Variants in KCNMB2 observed in about 807,000 individuals in gnomAD.
The protein encoded by KCNMB2 is potassium calcium-activated channel subfamily M regulatory beta subunit 2.
KCNMB2 carries 9 observed loss-of-function variants against 24.5 expected under a neutral mutation model. The ratio of observed to expected loss-of-function variants is 0.37; its 90% CI spans 0.22 to 0.64. The LOEUF (loss-of-function observed/expected upper bound fraction) is 0.64. KCNMB2 is among the 30% of genes least tolerant of loss of function. The probability of loss-of-function intolerance (pLI) is 0.63; values close to 1 mark genes in which losing one functional copy is unlikely to be tolerated. For synonymous variants in KCNMB2, 109 were observed against 104.4 expected, an observed-to-expected ratio of 1.04 and a Z score of -0.27; for missense variants, 226 against 284.3, an observed-to-expected ratio of 0.79 and a Z score of 1.47.
At chr3:178,647,625 T>C (rs1431133161) in intron 1 of KCNMB2, among the ~76,000 whole-genome samples, 1 of 152,234 alleles carries the variant, frequency 6.6e-6, no homozygotes. Context: ...ATACATGTTA[T>C]TTACCTATAG....
At chr3:178,794,150 C>A (rs906257493) in intron 1 of KCNMB2, among the ~76,000 whole-genome samples, 11 of 152,154 alleles carry the variant, frequency 7.2e-5, no homozygotes, top group African/African-American at 2.7e-4. Context: ...TTGCAGAACA[C>A]CACCAACAAC....
chr3:178,675,821 TCAGA>T (rs1721053365), intron 1 of KCNMB2, among the ~76,000 whole-genome samples: 1 of 152,178 alleles, frequency 6.6e-6, no homozygotes, highest in Non-Finnish European at 1.5e-5. Flanking sequence ...TGGCCTCCTG[TCAGA>T]CAGAGAGAAA....
intron 1 of KCNMB2, among the ~76,000 whole-genome samples, chr3:178,573,336 A>G (rs1716873309): frequency 6.6e-6 from 1 of 152,152 alleles, no homozygotes; most frequent in African/African-American, 2.4e-5. Context: ...CAACTCCAAA[A>G]GTTTATGAAT....
At chr3:178,782,849 G>C (rs1411664117) in intron 1 of KCNMB2, among the ~76,000 whole-genome samples, 1 of 151,668 alleles carries the variant, frequency 6.6e-6, no homozygotes, top group Non-Finnish European at 1.5e-5. Context: ...TGGTGTTTTA[G>C]ACAGGAAGTC....
intron 1 of KCNMB2, among the ~76,000 whole-genome samples, chr3:178,757,906 CATATATATATCCAAGAGGATAT>C (rs1560006099): frequency 1.4e-5 from 1 of 72,096 alleles, no homozygotes; most frequent in Non-Finnish European, 2.8e-5. Flanking sequence ...CAAGAGGATA[CATATATATATCCAAGAGGATAT>C]ATATATACAC....
chr3:178,759,467 G>T (rs1488498917), intron 1 of KCNMB2, among the ~76,000 whole-genome samples: 1 of 34,776 alleles, frequency 2.9e-5, no homozygotes, highest in Admixed American at 2.9e-4. Flanking sequence ...ATCTCCAAGA[G>T]GATATATATA....
chr3:178,799,834 C>A (rs1259260351), intron 1 of KCNMB2, among the ~76,000 whole-genome samples: 2 of 152,050 alleles, frequency 1.3e-5, no homozygotes, highest in African/African-American at 4.8e-5. Flanking sequence ...GAGACAAATA[C>A]ACCAAAGAAA....
chr3:178,825,655 G>T lies in KCNMB2; in HGVS notation c.124G>T (p.Ala42Ser), dbSNP rs376484877. ...DKRKTVTALK[A>S]GEDRAILLGL... ...AAGGAAAACAGTCACAGCACTGAAG[G>T]CAGGAGAGGACCGAGCTATTCTCCT... The change falls in exon 3 of 5, where the codon GCA becomes TCA. Residue 42 changes from alanine to serine, a missense_variant. By Grantham distance (99) the Ala-to-Ser change is moderately conservative. Coordinates refer to ENST00000452583, the MANE Select transcript of KCNMB2 (RefSeq NM_181361.3). The T allele has an allele frequency of 5.9e-5, 95 of 1,613,652 alleles. No homozygotes were observed. Among genetic ancestry groups the T allele is most frequent in the Non-Finnish European group, 7.3e-5 (86 of 1,179,668 alleles).
At chr3:178,692,884 T>C (rs1256488082) in intron 1 of KCNMB2, among the ~76,000 whole-genome samples, 5 of 152,250 alleles carry the variant, frequency 3.3e-5, no homozygotes, top group Non-Finnish European at 7.3e-5. Flanking sequence ...TCCACGAGCA[T>C]GGAATGTTTT....
intron 1 of KCNMB2, among the ~76,000 whole-genome samples, chr3:178,679,833 G>C (rs1028340955): frequency 9.9e-5 from 15 of 152,076 alleles, no homozygotes; most frequent in African/African-American, 3.6e-4. Flanking sequence ...CCATTCCAGA[G>C]TGCCTATCAT....
intron 1 of KCNMB2, among the ~76,000 whole-genome samples, chr3:178,734,677 C>G (rs1306636606): frequency 6.6e-6 from 1 of 152,098 alleles, no homozygotes; most frequent in Non-Finnish European, 1.5e-5. Context: ...GGTTTTAGAC[C>G]CAAGTCCTCT....
chr3:178,760,003 T>A (rs1384923225), intron 1 of KCNMB2, among the ~76,000 whole-genome samples: 1 of 48,478 alleles, frequency 2.1e-5, no homozygotes. Flanking sequence ...TATATATATA[T>A]ATATATCCAA....
intron 1 of KCNMB2, among the ~76,000 whole-genome samples, chr3:178,692,909 T>G (rs943820619): frequency 1.3e-5 from 2 of 152,230 alleles, no homozygotes; most frequent in Non-Finnish European, 2.9e-5. Context: ...TTTGTTTGTG[T>G]CATCTCTGAT....
At chr3:178,684,509 A>G (rs996753922) in intron 1 of KCNMB2, among the ~76,000 whole-genome samples, 11 of 151,742 alleles carry the variant, frequency 7.2e-5, no homozygotes, top group African/African-American at 2.4e-4. Context: ...AAACAAAAAC[A>G]AAAAAAATGG....
chr3:178,680,059 G>A (rs1721212835), intron 1 of KCNMB2, among the ~76,000 whole-genome samples: 1 of 151,970 alleles, frequency 6.6e-6, no homozygotes, highest in East Asian at 1.9e-4. Context: ...GTTGTTAGTG[G>A]ACAACTTTCT....
Position 178,754,579 on chromosome 3 carries a change from C to T in KCNMB2, c.-67-52764C>T, listed in dbSNP as rs530414065. Among the ~76,000 whole-genome samples, 4 of 152,288 alleles carry T rather than the reference C, an allele frequency of 2.6e-5. No individual in the cohort carries two copies. The South Asian group carries it at 8.3e-4, about 32-fold the overall frequency. On this transcript the variant is annotated intron_variant, in intron 1 of 4. Transcript: ENST00000452583. ...GGAATCAGAGGTGCCCTTTGAATGACCACAGAGGAGGCAGCATTTGTGGTG... is the reference window on the plus strand; with the variant it reads ...GGAATCAGAGGTGCCCTTTGAATGATCACAGAGGAGGCAGCATTTGTGGTG...
chr3:178,661,899 T>C (rs1034276615), intron 1 of KCNMB2, among the ~76,000 whole-genome samples: 1 of 152,180 alleles, frequency 6.6e-6, no homozygotes, highest in African/African-American at 2.4e-5. Context: ...ACTAGATCTA[T>C]AGTCCTCACA....
chr3:178,825,432 G>A (rs577537069), intron 2 of KCNMB2, among the ~76,000 whole-genome samples, 156 bp from the exon 3 acceptor site: 4 of 152,186 alleles, frequency 2.6e-5, no homozygotes, highest in African/African-American at 9.7e-5. Flanking sequence ...ATGCATGTGT[G>A]TGCTTGTGTG....
At chr3:178,589,713 A>G (rs1479947957) in intron 1 of KCNMB2, among the ~76,000 whole-genome samples, 2 of 152,148 alleles carry the variant, frequency 1.3e-5, no homozygotes, top group African/African-American at 4.8e-5. Flanking sequence ...ACTCCTTGAC[A>G]ATAGATTTAT....
Sources: gnomAD v4.1 joint callset for allele counts (sites outside exome capture counted in the v4.1 genomes callset) on GRCh38, gnomAD v4.1.1 for gene constraint, MANE v1.5 for transcripts, NCBI Gene and HGNC (gene_info 2026-07-23, HGNC 2026-07-21) for gene names.